SLC16A6: variants seen among roughly 807,000 people sequenced by gnomAD.
SLC16A6 encodes monocarboxylate transporter 7.
Under a neutral mutation model 33.8 loss-of-function variants are expected in SLC16A6, and 15 were observed. That is an observed-to-expected ratio of 0.44 (90% CI 0.30 to 0.68). The LOEUF (loss-of-function observed/expected upper bound fraction) is 0.68, where lower values mean the gene tolerates loss of function less well. SLC16A6 is among the 30% of genes least tolerant of loss of function. The probability of loss-of-function intolerance (pLI) is 0.10; values close to 1 mark genes in which losing one functional copy is unlikely to be tolerated. For missense variants in SLC16A6, 451 were observed against 661.5 expected, an observed-to-expected ratio of 0.68 and a Z score of 3.49; for synonymous variants, 219 against 248.4, an observed-to-expected ratio of 0.88 and a Z score of 1.11.
At chr17:68,287,528 T>A (rs1043131849) in intron 1 of SLC16A6, among the ~76,000 whole-genome samples, 71 of 152,272 alleles carry the variant, frequency 4.7e-4, no homozygotes, top group Admixed American at 2.4e-3. Context: ...TTAGTTTTTT[T>A]AAAAAACTCT....
intron 1 of SLC16A6, among the ~76,000 whole-genome samples, chr17:68,289,624 G>A (rs1555755149): frequency 6.6e-6 from 1 of 152,178 alleles, no homozygotes; most frequent in Non-Finnish European, 1.5e-5. Flanking sequence ...TTTGGCTAAA[G>A]TTCATCTGCA....
chr17:68,287,458 C>G (rs2075867413), intron 1 of SLC16A6, among the ~76,000 whole-genome samples: 1 of 152,002 alleles, frequency 6.6e-6, no homozygotes, highest in Non-Finnish European at 1.5e-5. Context: ...CCTCACCTAG[C>G]CAGATGGTGG....
chr17:68,270,020 C>A (rs1413142101), intron 5 of SLC16A6, among the ~76,000 whole-genome samples: 1 of 152,168 alleles, frequency 6.6e-6, no homozygotes, highest in Non-Finnish European at 1.5e-5. Context: ...ATCACAAACA[C>A]TTTAAAGACC....
intron 2 of SLC16A6, 185 bp from the exon 3 acceptor site, chr17:68,274,255 C>A: frequency 1.9e-6 from 1 of 535,918 alleles, no homozygotes; most frequent in Non-Finnish European, 3.2e-6. Context: ...CGCTTGAGCC[C>A]AGGAGTTCAA....
intron 1 of SLC16A6, among the ~76,000 whole-genome samples, chr17:68,283,529 A>T (rs1323393786): frequency 6.7e-6 from 1 of 150,172 alleles, no homozygotes; most frequent in African/African-American, 2.5e-5. Flanking sequence ...TCAGAAAAAA[A>T]AAAAAAAGGC....
intron 1 of SLC16A6, among the ~76,000 whole-genome samples, chr17:68,284,193 G>A (rs2075790064): frequency 6.6e-6 from 1 of 151,426 alleles, no homozygotes; most frequent in Admixed American, 6.6e-5. Context: ...TTGAGGTCAG[G>A]AGTTTGAGAC....
At chr17:68,290,107 G>T (rs754368446) in intron 1 of SLC16A6, among the ~76,000 whole-genome samples, 1 of 152,190 alleles carries the variant, frequency 6.6e-6, no homozygotes, top group African/African-American at 2.4e-5. Flanking sequence ...AGATCACTGA[G>T]AAATCTCATT....
chr17:68,287,807 T>C (rs1341149079), intron 1 of SLC16A6, among the ~76,000 whole-genome samples: 1 of 152,162 alleles, frequency 6.6e-6, no homozygotes, highest in East Asian at 1.9e-4. Context: ...TGGGTGATAA[T>C]GCCTGTATTT....
chr17:68,277,290 C>T (rs1445873681), intron 2 of SLC16A6, among the ~76,000 whole-genome samples: 1 of 151,992 alleles, frequency 6.6e-6, no homozygotes, highest in African/African-American at 2.4e-5. Context: ...ACCACCATGC[C>T]CAGTTAATTT....
At chr17:68,269,673 GTT>G (rs782421181) in intron 5 of SLC16A6, among the ~76,000 whole-genome samples, 14 of 77,898 alleles carry the variant, frequency 1.8e-4, no homozygotes, top group Non-Finnish European at 1.7e-4. Context: ...TTCACTTTAG[GTT>G]TTTTTTTTTT....
At chr17:68,283,878 CA>C (rs58291216) in intron 1 of SLC16A6, among the ~76,000 whole-genome samples, 94 of 55,428 alleles carry the variant, frequency 1.7e-3, no homozygotes, top group East Asian at 0.015. Context: ...AACTCCGTCT[CA>C]AAAAAAAAAA....
chr17:68,273,277 C>G (rs1353768688), intron 3 of SLC16A6, among the ~76,000 whole-genome samples: 1 of 151,738 alleles, frequency 6.6e-6, no homozygotes, highest in Non-Finnish European at 1.5e-5. Flanking sequence ...GGTGTGATCA[C>G]AGCTCACTGG....
intron 1 of SLC16A6, chr17:68,283,221 G>A (rs992651410): frequency 8.6e-5 from 13 of 152,024 alleles, no homozygotes; most frequent in African/African-American, 2.9e-4. Flanking sequence ...TTGAGGTCAG[G>A]AATTCAAGAC....
In SLC16A6 at chr17:68,268,738, C is replaced by T. The variant is rs3194532; in HGVS notation, c.*358G>A. 6.1e-5 allele frequency: 13 copies of T among 211,410 alleles called. No homozygotes were observed. Among genetic ancestry groups the T allele is most frequent in the African/African-American group, 2.6e-4 (11 of 43,076 alleles). The allele number at this position is 211,410 out of a possible 1,614,324, so 13.1% of individuals were successfully genotyped here. On this transcript the variant is annotated 3_prime_UTR_variant, in exon 6 of 6. Transcript: ENST00000580666. The stretch of plus-strand genomic sequence containing the variant: ...GAAAAAAAGAAAATCATTTATCCCA[C>T]GTGAAAGCTTTTAAAACCACTTTGC...
At chr17:68,279,971 C>T (rs2075640308) in intron 1 of SLC16A6, among the ~76,000 whole-genome samples, 1 of 152,054 alleles carries the variant, frequency 6.6e-6, no homozygotes, top group Non-Finnish European at 1.5e-5. Context: ...CACCTGAGGT[C>T]AGGAGTTCGA....
At chr17:68,283,905 C>T (rs1164902255) in intron 1 of SLC16A6, among the ~76,000 whole-genome samples, 1 of 148,018 alleles carries the variant, frequency 6.8e-6, no homozygotes, top group Non-Finnish European at 1.5e-5. Flanking sequence ...AAAGACCAGC[C>T]TGGCCAACAT....
intron 1 of SLC16A6, among the ~76,000 whole-genome samples, chr17:68,282,822 C>T (rs2075738362): frequency 7.1e-6 from 1 of 141,150 alleles, no homozygotes; most frequent in African/African-American, 2.8e-5. Flanking sequence ...CTGGTGGGTG[C>T]CTGTAACCCC....
Position 68,281,124 on chromosome 17 carries a change from T to TC in SLC16A6, c.-7-2798dup, listed in dbSNP as rs1456801841. ...CTGGGTGACAGAAGGAGACTCTGCCTCCAAAAAAAAAAAAAAAGAATGAAA... is the reference window on the plus strand; with the variant it reads ...CTGGGTGACAGAAGGAGACTCTGCCTCCCAAAAAAAAAAAAAAAGAATGAAA... On this transcript the variant is annotated intron_variant, in intron 1 of 5. Coordinates refer to ENST00000580666, the MANE Select transcript of SLC16A6 (RefSeq NM_004694.5). 7.2e-5 allele frequency among the ~76,000 whole-genome samples: 9 copies of TC among 124,664 alleles called. No individual in the cohort carries two copies. The South Asian group carries it at 1.2e-3, about 17-fold the overall frequency. 81.8% of individuals were successfully genotyped at this position (124,664 alleles called of 152,430 possible). A position where few individuals can be genotyped will look rare whatever the true frequency, so the allele number is the denominator to read the frequency against.
intron 2 of SLC16A6, among the ~76,000 whole-genome samples, chr17:68,277,666 C>G (rs9905444): frequency 0.25 from 37,849 of 152,086 alleles, 5,235 homozygotes; most frequent in African/African-American, 0.36. Flanking sequence ...CTGACCTCAA[C>G]TGATCCACCC....
Sources: gnomAD v4.1 joint callset for allele counts (sites outside exome capture counted in the v4.1 genomes callset) on GRCh38, gnomAD v4.1.1 for gene constraint, MANE v1.5 for transcripts, NCBI Gene and HGNC (gene_info 2026-07-23, HGNC 2026-07-21) for gene names.